The following MAML2 variants were observed in gnomAD, a reference collection of about 807,000 sequenced individuals.
MAML2 encodes the protein mastermind like transcriptional coactivator 2.
MAML2 carries 22 observed loss-of-function variants against 96.1 expected under a neutral mutation model. That is an observed-to-expected ratio of 0.23 (90% CI 0.16 to 0.33). The LOEUF is 0.33. Among genes scored for constraint, MAML2 ranks in the 10% least tolerant of loss-of-function variants. The pLI is 1.00. For missense variants in MAML2, 1,367 were observed against 1,392.4 expected, an observed-to-expected ratio of 0.98 and a Z score of 0.29; for synonymous variants, 561 against 521.3, an observed-to-expected ratio of 1.08 and a Z score of -1.04.
intron 1 of MAML2, among the ~76,000 whole-genome samples, chr11:96,334,735 A>T (rs953022773): frequency 6.6e-6 from 1 of 152,252 alleles, no homozygotes; most frequent in African/African-American, 2.4e-5. Flanking sequence ...CCAAACTCTA[A>T]AAAGGACCCA....
At chr11:96,214,620 C>A (rs1277259387) in intron 1 of MAML2, among the ~76,000 whole-genome samples, 3 of 152,138 alleles carry the variant, frequency 2.0e-5, no homozygotes, top group African/African-American at 4.8e-5. Flanking sequence ...GGAACTGATG[C>A]CATTATTTTC....
At chr11:96,137,115 C>G (rs535513591) in intron 1 of MAML2, among the ~76,000 whole-genome samples, 2 of 152,202 alleles carry the variant, frequency 1.3e-5, no homozygotes, top group South Asian at 4.2e-4. Context: ...ATCTCAAATA[C>G]ACAGAAAACT....
chr11:96,020,544 G>A (rs1858421290), intron 2 of MAML2, among the ~76,000 whole-genome samples: 1 of 152,160 alleles, frequency 6.6e-6, no homozygotes, highest in Non-Finnish European at 1.5e-5. Flanking sequence ...TAAGGGAGGG[G>A]GTGACTGGGG....
At chr11:96,079,990 G>A (rs1278347618) in intron 2 of MAML2, among the ~76,000 whole-genome samples, 3 of 152,216 alleles carry the variant, frequency 2.0e-5, no homozygotes, top group African/African-American at 7.2e-5. Flanking sequence ...TAGATGGTAT[G>A]AGATGACAGC....
At chr11:95,988,407 C>T (rs572372937) in intron 3 of MAML2, among the ~76,000 whole-genome samples, 75 of 151,442 alleles carry the variant, frequency 5.0e-4, no homozygotes, top group Non-Finnish European at 1.0e-3. Flanking sequence ...TACAGGTGCC[C>T]GCCATCATGC....
At chr11:96,248,274 G>A (rs577182) in intron 1 of MAML2, among the ~76,000 whole-genome samples, 27,867 of 151,568 alleles carry the variant, frequency 0.18, 3,140 homozygotes, top group African/African-American at 0.32. Flanking sequence ...CACCATGCCT[G>A]GCTAATTTTG....
rs1486329345 is a variant in MAML2, at chr11:95,994,409, T to C, written c.2140-2686A>G. Among the ~76,000 whole-genome samples, 4 of 152,288 alleles carry C rather than the reference T, an allele frequency of 2.6e-5. No homozygotes were observed. In the East Asian group the frequency reaches 7.7e-4, roughly 29 times the overall value. On this transcript the variant is annotated intron_variant, in intron 2 of 4. Transcript: ENST00000524717. ...CCTGTGTTCTATAAGCCACTAAGAATGTGGACTTGGAGACAAGTACTTGAG... is the reference window on the plus strand; with the variant it reads ...CCTGTGTTCTATAAGCCACTAAGAACGTGGACTTGGAGACAAGTACTTGAG...
chr11:96,142,961 G>A (rs1400200887), intron 1 of MAML2, among the ~76,000 whole-genome samples: 1 of 152,198 alleles, frequency 6.6e-6, no homozygotes, highest in Non-Finnish European at 1.5e-5. Context: ...AAAAGAAATA[G>A]TAAAATAACG....
rs12575209 is a variant in MAML2, at chr11:96,023,046, G to T, written c.2140-31323C>A. 8.1e-3 allele frequency among the ~76,000 whole-genome samples: 1,234 copies of T among 152,310 alleles called. 17 individuals are homozygous for T. The highest frequency in any genetic ancestry group is 0.039 in the East Asian group (204 of 5,190). On this transcript the variant is annotated intron_variant, in intron 2 of 4. Coordinates refer to ENST00000524717, the MANE Select transcript of MAML2 (RefSeq NM_032427.4). Reference sequence around the variant, plus strand: ...GCAGGGGATCCCCAAGACTGGGGCTGGGTAGAGCTGAGCAAGATTCAGTGA... The same window carrying T: ...GCAGGGGATCCCCAAGACTGGGGCTTGGTAGAGCTGAGCAAGATTCAGTGA...
chr11:96,321,209 A>G (rs1250215335), intron 1 of MAML2, among the ~76,000 whole-genome samples: 1 of 152,204 alleles, frequency 6.6e-6, no homozygotes, highest in African/African-American at 2.4e-5. Flanking sequence ...GCCCTCTTGT[A>G]TTGCTAAAGG....
chr11:96,017,459 C>T (rs1858372738), intron 2 of MAML2, among the ~76,000 whole-genome samples: 1 of 145,614 alleles, frequency 6.9e-6, no homozygotes, highest in Admixed American at 7.1e-5. Flanking sequence ...ACTGTGCCTA[C>T]AATAATAACT....
chr11:96,323,307 T>A (rs548987045), intron 1 of MAML2, among the ~76,000 whole-genome samples: 50 of 152,268 alleles, frequency 3.3e-4, no homozygotes, highest in African/African-American at 1.1e-3. Context: ...CCATTTTTTT[T>A]AAACACATCT....
chr11:96,183,189 C>G (rs1208874454), intron 1 of MAML2, among the ~76,000 whole-genome samples: 1 of 152,060 alleles, frequency 6.6e-6, no homozygotes, highest in Non-Finnish European at 1.5e-5. Flanking sequence ...GAACTCCTCA[C>G]CTCAAGTGAT....
Position 96,054,026 on chromosome 11 carries a change from G to GA in MAML2, c.2139+37865dup, listed in dbSNP as rs567312731. Among the ~76,000 whole-genome samples, 582 of 150,948 alleles carry GA rather than the reference G, an allele frequency of 3.9e-3. 7 individuals carry two copies. The highest frequency in any genetic ancestry group is 0.028 in the South Asian group (132 of 4,770). On this transcript the variant is annotated intron_variant, in intron 2 of 4. Coordinates refer to ENST00000524717, the MANE Select transcript of MAML2 (RefSeq NM_032427.4). ...TTTACTGTTTTATATTCCATTGGGAGAAAAAAAAATGAACAATCTTACTTA... is the reference window on the plus strand; with the variant it reads ...TTTACTGTTTTATATTCCATTGGGAGAAAAAAAAAATGAACAATCTTACTTA...
intron 1 of MAML2, among the ~76,000 whole-genome samples, chr11:96,317,926 C>T (rs190096524): frequency 6.6e-6 from 1 of 152,342 alleles, no homozygotes; most frequent in Admixed American, 6.5e-5. Flanking sequence ...AAATGGTAAA[C>T]TCCTGAGGAC....
At chr11:96,179,625 TGG>T (rs1310873356) in intron 1 of MAML2, among the ~76,000 whole-genome samples, 1 of 152,194 alleles carries the variant, frequency 6.6e-6, no homozygotes, top group Non-Finnish European at 1.5e-5. Flanking sequence ...CAGACTCTTC[TGG>T]CCACAAAACA....
At chr11:95,995,810 C>T (rs79279273) in intron 2 of MAML2, among the ~76,000 whole-genome samples, 101 of 152,246 alleles carry the variant, frequency 6.6e-4, no homozygotes, top group African/African-American at 2.4e-3. Context: ...CTATCATTTG[C>T]CTGGTCCATG....
intron 2 of MAML2, among the ~76,000 whole-genome samples, chr11:96,039,537 C>T (rs1425095825): frequency 1.3e-5 from 2 of 152,054 alleles, no homozygotes; most frequent in Non-Finnish European, 2.9e-5. Flanking sequence ...TTGAGCTTTG[C>T]ATTGAATATG....
chr11:96,153,890 C>T (rs1860967261), intron 1 of MAML2, among the ~76,000 whole-genome samples: 1 of 150,966 alleles, frequency 6.6e-6, no homozygotes, highest in Non-Finnish European at 1.5e-5. Context: ...CAGCTCTGGA[C>T]AACAGAGCAA....
Sources: gnomAD v4.1 joint callset for allele counts (sites outside exome capture counted in the v4.1 genomes callset) on GRCh38, gnomAD v4.1.1 for gene constraint, MANE v1.5 for transcripts, NCBI Gene and HGNC (gene_info 2026-07-23, HGNC 2026-07-21) for gene names.